RGL1: variants seen among roughly 807,000 people sequenced by gnomAD.
The protein encoded by RGL1 is ral guanine nucleotide dissociation stimulator like 1.
RGL1 carries 24 observed loss-of-function variants against 95.2 expected under a neutral mutation model. The ratio of observed to expected loss-of-function variants is 0.25; its 90% CI spans 0.18 to 0.35. The LOEUF (loss-of-function observed/expected upper bound fraction) is 0.35. Ranked by LOEUF, RGL1 falls within the 10% of genes least tolerant of loss-of-function variation. The pLI, the probability that RGL1 is intolerant of heterozygous loss-of-function variation, is 1.00. For missense variants in RGL1, 715 were observed against 936.3 expected, an observed-to-expected ratio of 0.76 and a Z score of 3.08; for synonymous variants, 329 against 344.9, an observed-to-expected ratio of 0.95 and a Z score of 0.51.
intron 2 of RGL1, among the ~76,000 whole-genome samples, chr1:183,844,636 C>T (rs1455065423): frequency 6.6e-6 from 1 of 152,196 alleles, no homozygotes. Context: ...TAATTAATAA[C>T]ATGTAGAATT....
chr1:183,911,906 C>A (rs1394691399), intron 14 of RGL1, among the ~76,000 whole-genome samples, 176 bp from the exon 15 acceptor site: 1 of 152,150 alleles, frequency 6.6e-6, no homozygotes, highest in Non-Finnish European at 1.5e-5. Context: ...TCTTTTGGGA[C>A]AAGATGTTTA....
At chr1:183,642,577 T>C (rs964260155) in intron 1 of RGL1, among the ~76,000 whole-genome samples, 1 of 152,234 alleles carries the variant, frequency 6.6e-6, no homozygotes, top group Non-Finnish European at 1.5e-5. Context: ...GCGCTGTAAA[T>C]TATGAACCTA....
At chr1:183,846,965 C>T (rs549263896) in intron 2 of RGL1, among the ~76,000 whole-genome samples, 5 of 152,010 alleles carry the variant, frequency 3.3e-5, no homozygotes, top group Admixed American at 6.6e-5. Context: ...ATTAAAAATG[C>T]GCTTGGTAAA....
At chr1:183,668,458 T>TTTTAA (rs1316454700) in intron 1 of RGL1, among the ~76,000 whole-genome samples, 2 of 152,026 alleles carry the variant, frequency 1.3e-5, no homozygotes, top group African/African-American at 2.4e-5. Flanking sequence ...AATGATTTAT[T>TTTTAA]TTTAATTTAA....
At chr1:183,855,483 C>T (rs1252030366) in intron 3 of RGL1, among the ~76,000 whole-genome samples, 2 of 152,176 alleles carry the variant, frequency 1.3e-5, no homozygotes, top group Non-Finnish European at 2.9e-5. Context: ...AGGCACTTGC[C>T]AAATATTCCT....
chr1:183,643,730 C>T (rs1306320905), intron 1 of RGL1, among the ~76,000 whole-genome samples: 1 of 152,214 alleles, frequency 6.6e-6, no homozygotes, highest in African/African-American at 2.4e-5. Flanking sequence ...GGATTACAGG[C>T]ATGAACCACC....
At chr1:183,887,199 C>CTT (rs1558272590) in intron 7 of RGL1, among the ~76,000 whole-genome samples, 2 of 88 alleles carry the variant, frequency 0.023, no homozygotes, top group Non-Finnish European at 0.037. Flanking sequence ...TCCCTCCTTC[C>CTT]CCTCCTTCTT....
intron 2 of RGL1, among the ~76,000 whole-genome samples, chr1:183,789,659 A>G (rs1443129596): frequency 6.6e-6 from 1 of 152,012 alleles, no homozygotes; most frequent in African/African-American, 2.4e-5. Context: ...TGGCTCCTTT[A>G]CCTCTACTGA....
chr1:183,723,709 TAAA>T (rs1477743502), intron 1 of RGL1, among the ~76,000 whole-genome samples: 1 of 152,184 alleles, frequency 6.6e-6, no homozygotes, highest in Non-Finnish European at 1.5e-5. Flanking sequence ...TCTGGGGTTC[TAAA>T]TAAACTTGAA....
chr1:183,765,838 G>A (rs1447581593), intron 2 of RGL1, among the ~76,000 whole-genome samples: 7 of 152,262 alleles, frequency 4.6e-5, no homozygotes, highest in African/African-American at 1.4e-4. Context: ...TGACAAGAAA[G>A]TTTGATTATT....
chr1:183,697,858 A>G (rs1026826985), intron 1 of RGL1, among the ~76,000 whole-genome samples: 2 of 151,876 alleles, frequency 1.3e-5, no homozygotes, highest in African/African-American at 4.8e-5. Context: ...TCCCCACTGT[A>G]CTCTGTGTGA....
At position 183,916,558 on chromosome 1, in the gene RGL1, C is replaced by A. The variant is rs1284773976; in HGVS notation, c.1861C>A (p.Pro621Thr). The A allele has an allele frequency of 6.2e-7, 1 of 1,613,908 alleles. No individual in the cohort carries two copies. The change falls in exon 16 of 18, where the codon CCC (proline) becomes ACC (threonine). Residue 621 changes from proline (P) to threonine (T), a missense_variant. Transcript: ENST00000360851. ...LSSPPSCNNN[P>T]KIHKRSVSVT... ...CTCCCCTCCGTCCTGCAACAACAAC[C>A]CCAAAATCCACAAGCGCTCTGTCTC...
chr1:183,756,229 T>C (rs1476399280), intron 2 of RGL1, among the ~76,000 whole-genome samples: 2 of 151,570 alleles, frequency 1.3e-5, no homozygotes, highest in Admixed American at 6.6e-5. Context: ...TCTTGCTCTG[T>C]CGTCCAGGCT....
intron 1 of RGL1, among the ~76,000 whole-genome samples, chr1:183,641,290 A>G (rs1649905524): frequency 6.6e-6 from 1 of 152,062 alleles, no homozygotes; most frequent in Non-Finnish European, 1.5e-5. Flanking sequence ...GTACGCCACT[A>G]CCCCTAGCTA....
chr1:183,798,134 T>C (rs1452360610), intron 2 of RGL1, among the ~76,000 whole-genome samples: 2 of 152,184 alleles, frequency 1.3e-5, no homozygotes, highest in African/African-American at 4.8e-5. Flanking sequence ...AGTACTAAGG[T>C]GTGGAATGGA....
intron 2 of RGL1, among the ~76,000 whole-genome samples, chr1:183,843,124 A>G (rs184557214): frequency 6.6e-6 from 1 of 152,346 alleles, no homozygotes; most frequent in East Asian, 1.9e-4. Context: ...TAGCAGTTCT[A>G]CAGAAAATGA....
intron 2 of RGL1, among the ~76,000 whole-genome samples, chr1:183,771,763 C>A (rs754596217): frequency 1.3e-5 from 2 of 152,162 alleles, no homozygotes; most frequent in African/African-American, 2.4e-5. Flanking sequence ...GGCACTTGTG[C>A]CTTCACTCCT....
intron 2 of RGL1, among the ~76,000 whole-genome samples, chr1:183,821,581 A>G (rs1044748080): frequency 6.6e-6 from 1 of 152,168 alleles, no homozygotes; most frequent in African/African-American, 2.4e-5. Flanking sequence ...TATAGATTTT[A>G]GGTCTGGTTG....
chr1:183,824,743 A>G (rs1163874904), intron 2 of RGL1, among the ~76,000 whole-genome samples: 1 of 152,224 alleles, frequency 6.6e-6, no homozygotes, highest in African/African-American at 2.4e-5. Flanking sequence ...GAAAACATGT[A>G]CAACCACCTT....
Sources: gnomAD v4.1 joint callset for allele counts (sites outside exome capture counted in the v4.1 genomes callset) on GRCh38, gnomAD v4.1.1 for gene constraint, MANE v1.5 for transcripts, NCBI Gene and HGNC (gene_info 2026-07-23, HGNC 2026-07-21) for gene names.